Variants in ATP2C1 observed in about 807,000 individuals in gnomAD.
ATP2C1 encodes the protein ATPase secretory pathway Ca2+ transporting 1.
In ATP2C1, 31 loss-of-function variants were observed where a neutral mutation model predicts 120.5. The observed-to-expected ratio is 0.26, with a 90% confidence interval of 0.19 to 0.35. The LOEUF (loss-of-function observed/expected upper bound fraction) is 0.35, where lower values mean the gene tolerates loss of function less well. Among genes scored for constraint, ATP2C1 ranks in the 10% least tolerant of loss-of-function variants. The pLI is 1.00. For missense variants in ATP2C1, 731 were observed against 1,107.5 expected (o/e 0.66, Z 4.83); for synonymous variants, 351 against 358.7 (o/e 0.98, Z 0.24).
intron 2 of ATP2C1, chr3:130,918,496 C>G: frequency 1.3e-6 from 1 of 778,970 alleles, no homozygotes; most frequent in Non-Finnish European, 2.4e-6. Flanking sequence ...TTTGGATTTG[C>G]TTGTAGGCAT....
downstream of ATP2C1, among the ~76,000 whole-genome samples, chr3:131,007,443 C>T (rs2063158361): frequency 6.6e-6 from 1 of 152,160 alleles, no homozygotes; most frequent in Non-Finnish European, 1.5e-5. Flanking sequence ...CCAAGGGTGC[C>T]CCAGAATCAT....
intron 20 of ATP2C1, 151 bp from the exon 21 acceptor site, chr3:130,992,800 C>G (rs1388657980): frequency 6.0e-6 from 4 of 666,706 alleles, no homozygotes; most frequent in Non-Finnish European, 8.2e-6. Context: ...AATGTCTTAA[C>G]AAACATATGT....
At chr3:130,852,718 G>A (rs1255830752) in intron 1 of ATP2C1, among the ~76,000 whole-genome samples, 2 of 152,152 alleles carry the variant, frequency 1.3e-5, no homozygotes, top group African/African-American at 4.8e-5. Context: ...AAGCTTGTTG[G>A]GAAGTTATAA....
intron 11 of ATP2C1, among the ~76,000 whole-genome samples, chr3:130,958,800 G>A (rs1286556788): frequency 6.6e-6 from 1 of 152,192 alleles, no homozygotes; most frequent in Non-Finnish European, 1.5e-5. Context: ...CAAGTCGTAA[G>A]TGTCCCTTTG....
At chr3:130,917,086 T>C (rs954060576) in intron 2 of ATP2C1, among the ~76,000 whole-genome samples, 2 of 152,254 alleles carry the variant, frequency 1.3e-5, no homozygotes, top group Non-Finnish European at 2.9e-5. Context: ...TCACTTTCAG[T>C]ACAGTATTAT....
intron 6 of ATP2C1, among the ~76,000 whole-genome samples, chr3:130,940,309 G>A (rs1429077652): frequency 6.6e-6 from 1 of 152,082 alleles, no homozygotes; most frequent in African/African-American, 2.4e-5. Flanking sequence ...AAATTTTAAG[G>A]CTCAATGACT....
exon 1 of ATP2C1, chr3:130,850,614 C>T (rs897508504): frequency 2.9e-5 from 11 of 385,672 alleles, no homozygotes; most frequent in Non-Finnish European, 4.7e-5. Context: ...CTGGACGCTT[C>T]TAGACAGTGT....
chr3:130,885,382 T>C (rs187892075), intron 1 of ATP2C1, among the ~76,000 whole-genome samples: 1 of 152,220 alleles, frequency 6.6e-6, no homozygotes, highest in Non-Finnish European at 1.5e-5. Context: ...TATTTTGTTA[T>C]GTGTTTTCTA....
intron 2 of ATP2C1, among the ~76,000 whole-genome samples, chr3:130,901,094 C>G (rs1404111627): frequency 6.6e-6 from 1 of 152,150 alleles, no homozygotes; most frequent in Non-Finnish European, 1.5e-5. Flanking sequence ...AAAAGCAGTT[C>G]ATGGCACAAA....
chr3:130,940,065 C>A (rs1487075621), intron 6 of ATP2C1, among the ~76,000 whole-genome samples: 2 of 152,196 alleles, frequency 1.3e-5, no homozygotes, highest in African/African-American at 4.8e-5. Context: ...GGCTAGAAAT[C>A]ACATTGTTAG....
At chr3:130,943,497 G>A (rs767501673) in intron 8 of ATP2C1, among the ~76,000 whole-genome samples, 11 of 152,234 alleles carry the variant, frequency 7.2e-5, no homozygotes, top group South Asian at 2.1e-4. Flanking sequence ...GATTATAGTC[G>A]TGAGCCACCG....
chr3:130,851,154 C>A (rs530502439), intron 1 of ATP2C1, among the ~76,000 whole-genome samples: 1 of 152,248 alleles, frequency 6.6e-6, no homozygotes, highest in East Asian at 1.9e-4. Flanking sequence ...TGTAATGAAG[C>A]CACATGCTTT....
intron 2 of ATP2C1, among the ~76,000 whole-genome samples, chr3:130,898,232 A>G (rs2069810200): frequency 6.6e-6 from 1 of 152,236 alleles, no homozygotes. Flanking sequence ...AAGATTATAG[A>G]CAGAGCTAAT....
intron 2 of ATP2C1, among the ~76,000 whole-genome samples, chr3:130,912,974 A>G (rs1433251050): frequency 6.7e-6 from 1 of 149,786 alleles, no homozygotes; most frequent in Non-Finnish European, 1.5e-5. Context: ...GAAATTGGAA[A>G]TCATCATTCT....
chr3:130,962,991 T>G (rs924377214), intron 12 of ATP2C1: 3 of 151,838 alleles, frequency 2.0e-5, no homozygotes, highest in African/African-American at 7.3e-5. Context: ...TAATGGAAAT[T>G]AGGAAGTAGA....
At chr3:130,876,588 T>A (rs1203122867) in intron 1 of ATP2C1, among the ~76,000 whole-genome samples, 2 of 152,196 alleles carry the variant, frequency 1.3e-5, no homozygotes, top group African/African-American at 2.4e-5. Context: ...TTAGGATTGC[T>A]TTGGTTCCTC....
chr3:130,961,296 C>A, intron 12 of ATP2C1, among the ~76,000 whole-genome samples: 1 of 149,654 alleles, frequency 6.7e-6, no homozygotes. Context: ...CATATCATAA[C>A]TTCTGTTCTT....
intron 2 of ATP2C1, among the ~76,000 whole-genome samples, chr3:130,914,620 T>A (rs1311261580): frequency 6.6e-6 from 1 of 152,234 alleles, no homozygotes; most frequent in Non-Finnish European, 1.5e-5. Flanking sequence ...GAACTCTTGA[T>A]CTTCTGCTTT....
At chr3:130,907,455 G>C (rs1318355302) in intron 2 of ATP2C1, among the ~76,000 whole-genome samples, 2 of 151,962 alleles carry the variant, frequency 1.3e-5, no homozygotes, top group Non-Finnish European at 2.9e-5. Flanking sequence ...CATATGATGT[G>C]ACATAAGGGC....
Sources: allele counts gnomAD v4.1 joint callset (sites outside exome capture counted in the v4.1 genomes callset), GRCh38; gene constraint gnomAD v4.1.1; transcripts MANE v1.5; gene names NCBI Gene and HGNC (gene_info 2026-07-23, HGNC 2026-07-21).